MDGA2: variants seen among roughly 807,000 people sequenced by gnomAD.
MDGA2 encodes the protein MAM domain-containing glycosylphosphatidylinositol anchor protein 2.
A neutral mutation model predicts 117.8 loss-of-function variants in MDGA2; 40 were observed. The observed-to-expected ratio is 0.34, with a 90% CI of 0.26 to 0.44. The LOEUF (loss-of-function observed/expected upper bound fraction) is 0.44. MDGA2 is among the 20% of genes least tolerant of loss of function. The pLI, the probability that MDGA2 is intolerant of heterozygous loss-of-function variation, is 1.00. For missense variants in MDGA2, 1,123 were observed against 1,250.6 expected (o/e 0.90, Z 1.54); for synonymous variants, 452 against 439.0 (o/e 1.03, Z -0.37).
At chr14:47,402,322 C>A in intron 1 of MDGA2, among the ~76,000 whole-genome samples, 2 of 45,562 alleles carry the variant, frequency 4.4e-5, no homozygotes, top group Non-Finnish European at 4.5e-5. Context: ...AGGGTAGAAA[C>A]CCCAGAAACC....
chr14:47,332,343 G>A (rs532776743), intron 1 of MDGA2, among the ~76,000 whole-genome samples: 20 of 152,086 alleles, frequency 1.3e-4, no homozygotes, highest in African/African-American at 4.3e-4. Flanking sequence ...GCAACAGCAT[G>A]TTAGCACAAC....
At chr14:47,269,145 C>T (rs1444528359) in intron 2 of MDGA2, among the ~76,000 whole-genome samples, 1 of 152,112 alleles carries the variant, frequency 6.6e-6, no homozygotes, top group African/African-American at 2.4e-5. Flanking sequence ...AATATTCTGT[C>T]ATCCTTAAGA....
intron 1 of MDGA2, among the ~76,000 whole-genome samples, chr14:47,383,092 A>T (rs969338841): frequency 6.6e-6 from 1 of 152,184 alleles, no homozygotes; most frequent in African/African-American, 2.4e-5. Context: ...TTCTGAGCAA[A>T]CTGTCACAAG....
chr14:47,635,991 C>A (rs1897314017), intron 1 of MDGA2, among the ~76,000 whole-genome samples: 1 of 152,074 alleles, frequency 6.6e-6, no homozygotes, highest in Non-Finnish European at 1.5e-5. Context: ...ATTTGCAAAT[C>A]TTCATTCAAA....
At chr14:47,394,097 C>T (rs1891955005) in intron 1 of MDGA2, among the ~76,000 whole-genome samples, 1 of 152,014 alleles carries the variant, frequency 6.6e-6, no homozygotes, top group Non-Finnish European at 1.5e-5. Context: ...TCACTTCCAC[C>T]ATCATGAATA....
chr14:47,445,364 A>G (rs1017545394), intron 1 of MDGA2, among the ~76,000 whole-genome samples: 4 of 152,124 alleles, frequency 2.6e-5, no homozygotes, highest in Admixed American at 6.6e-5. Context: ...GGCTGTAGCG[A>G]CCTTTTCTGT....
At chr14:47,001,269 T>A (rs201370324) in intron 8 of MDGA2, among the ~76,000 whole-genome samples, 1 of 151,778 alleles carries the variant, frequency 6.6e-6, no homozygotes, top group East Asian at 1.9e-4. Flanking sequence ...AAAATCACAA[T>A]TGAAGGAATG....
At chr14:47,380,266 C>G (rs1441294489) in intron 1 of MDGA2, among the ~76,000 whole-genome samples, 1 of 152,068 alleles carries the variant, frequency 6.6e-6, no homozygotes, top group Non-Finnish European at 1.5e-5. Flanking sequence ...CAAGAGAAAG[C>G]AGGAAAGATC....
chr14:47,521,085 C>T (rs1167168597), intron 1 of MDGA2, among the ~76,000 whole-genome samples: 4 of 152,164 alleles, frequency 2.6e-5, no homozygotes, highest in African/African-American at 9.7e-5. Flanking sequence ...ACTTTGAAGG[C>T]ACACACATAC....
At chr14:47,657,169 G>A (rs183018665) in intron 1 of MDGA2, among the ~76,000 whole-genome samples, 187 of 152,116 alleles carry the variant, frequency 1.2e-3, no homozygotes, top group East Asian at 2.3e-3. Flanking sequence ...CAGAAATTAC[G>A]GGGCAAAGAT....
At chr14:46,845,678 G>A (rs947789899) in intron 16 of MDGA2, 88 bp downstream of exon 16, 53 of 801,386 alleles carry the variant, frequency 6.6e-5, no homozygotes, top group Middle Eastern at 5.7e-4. Flanking sequence ...AAATAACTCC[G>A]TTTTTAAAAT....
chr14:47,115,993 G>A (rs569689188), intron 5 of MDGA2, among the ~76,000 whole-genome samples: 1 of 152,148 alleles, frequency 6.6e-6, no homozygotes, highest in East Asian at 1.9e-4. Flanking sequence ...GAGTGAAACT[G>A]TCCCTGTTTG....
At chr14:47,298,272 C>T (rs963670919) in intron 2 of MDGA2, among the ~76,000 whole-genome samples, 2 of 152,118 alleles carry the variant, frequency 1.3e-5, no homozygotes, top group South Asian at 4.1e-4. Flanking sequence ...CTCTCCTTCA[C>T]TTGTTTCATT....
At chr14:46,904,429 T>G (rs962433988) in intron 10 of MDGA2, among the ~76,000 whole-genome samples, 1 of 152,052 alleles carries the variant, frequency 6.6e-6, no homozygotes, top group Non-Finnish European at 1.5e-5. Flanking sequence ...TGGCCATTAT[T>G]ATTGATACTG....
intron 10 of MDGA2, among the ~76,000 whole-genome samples, chr14:46,900,372 A>C (rs890197363): frequency 1.3e-5 from 2 of 152,180 alleles, no homozygotes; most frequent in East Asian, 1.9e-4. Flanking sequence ...TATCCCAGAG[A>C]AACAAGTATT....
intron 1 of MDGA2, among the ~76,000 whole-genome samples, chr14:47,475,911 A>G (rs926688428): frequency 2.0e-4 from 31 of 152,308 alleles, no homozygotes; most frequent in Non-Finnish European, 4.0e-4. Flanking sequence ...CATGTTTGTC[A>G]TGTTTGACAT....
intron 10 of MDGA2, among the ~76,000 whole-genome samples, chr14:46,896,325 C>A (rs1267554548): frequency 6.6e-6 from 1 of 151,992 alleles, no homozygotes; most frequent in African/African-American, 2.4e-5. Flanking sequence ...GAAAAACAGG[C>A]AATGCTTCTT....
In MDGA2 at chr14:47,675,395, G is replaced by A. The variant is rs540723797; in HGVS notation, c.-599C>T. 2.8e-4 allele frequency among the ~76,000 whole-genome samples: 43 copies of A among 151,972 alleles called. 1 individual carries two copies. Among genetic ancestry groups the A allele is most frequent in the Admixed American group, 2.8e-3 (43 of 15,290 alleles). Reference sequence around the variant, plus strand: ...GAACGGGGGTGGGGAAGAGGGAAGGGAGGAGGGGGAAGAAGGAGGAGGAAA... The same window carrying A: ...GAACGGGGGTGGGGAAGAGGGAAGGAAGGAGGGGGAAGAAGGAGGAGGAAA... On this transcript the variant is annotated 5_prime_UTR_variant, in exon 1 of 17. Coordinates refer to ENST00000399232, the MANE Select transcript of MDGA2 (RefSeq NM_001113498.3).
At chr14:46,964,396 CAA>C (rs1245642645) in intron 8 of MDGA2, among the ~76,000 whole-genome samples, 1 of 152,112 alleles carries the variant, frequency 6.6e-6, no homozygotes, top group Non-Finnish European at 1.5e-5. Flanking sequence ...CTTCAAAAGT[CAA>C]GAGTCTGACA....
Sources: gnomAD v4.1 joint callset for allele counts (sites outside exome capture counted in the v4.1 genomes callset) on GRCh38, gnomAD v4.1.1 for gene constraint, MANE v1.5 for transcripts, NCBI Gene and HGNC (gene_info 2026-07-23, HGNC 2026-07-21) for gene names.